The following SAMD8 variants were observed in gnomAD, a reference collection of about 807,000 sequenced individuals.
SAMD8 encodes the protein sphingomyelin synthase-related protein 1.
In SAMD8, 20 loss-of-function variants were observed where a neutral mutation model predicts 42.0. The observed-to-expected ratio is 0.48, with a 90% CI of 0.34 to 0.69. SAMD8 has a LOEUF of 0.69. Among genes scored for constraint, SAMD8 ranks in the 30% least tolerant of loss-of-function variants. The pLI is 0.01. For synonymous variants in SAMD8, 162 were observed against 173.0 expected (o/e 0.94, Z 0.50); for missense variants, 328 against 511.6 (o/e 0.64, Z 3.46).
rs190921957 is a variant in SAMD8 at position 75,164,714 on chromosome 10, C to G, written c.648C>G (p.Leu216=). 1.0e-4 allele frequency: 162 copies of G among 1,613,870 alleles called. No homozygotes were observed. Among genetic ancestry groups the G allele is most frequent in the Admixed American group, 2.0e-4 (12 of 60,006 alleles). Residue 216 remains leucine, a synonymous_variant, in exon 3 of 6, where the codon CTC becomes CTG. Transcript: ENST00000542569. The stretch of plus-strand genomic sequence containing the variant: ...GCATGATTCTGTGCTATATTTGGCT[C>G]CTGGTTCTTCTTCTTCACAAGCACA... ...VCGMILCYIW[L]LVLLLHKHRS...
chr10:75,101,766 A>ACCCC, intron 1 of SAMD8: 2 of 748,174 alleles, frequency 2.7e-6, no homozygotes, highest in Non-Finnish European at 2.1e-6. Flanking sequence ...CCCAACCCAA[A>ACCCC]CCCCACCCCT....
At chr10:75,136,938 G>C (rs1452003945) in intron 1 of SAMD8, among the ~76,000 whole-genome samples, 1 of 152,124 alleles carries the variant, frequency 6.6e-6, no homozygotes, top group Non-Finnish European at 1.5e-5. Context: ...GTATTAGCAG[G>C]AATATAGAGA....
intron 2 of SAMD8, among the ~76,000 whole-genome samples, chr10:75,162,014 G>A (rs1051812835): frequency 6.6e-6 from 1 of 151,874 alleles, no homozygotes; most frequent in African/African-American, 2.4e-5. Context: ...GTCCAACCTG[G>A]GCAACAGAGC....
chr10:75,116,870 C>T (rs1227764760), intron 1 of SAMD8, among the ~76,000 whole-genome samples: 2 of 152,012 alleles, frequency 1.3e-5, no homozygotes, highest in South Asian at 4.1e-4. Context: ...GGTGCAGTGG[C>T]GTGATGTCAG....
chr10:75,158,541 G>A (rs574434698), intron 2 of SAMD8, among the ~76,000 whole-genome samples: 5 of 152,092 alleles, frequency 3.3e-5, no homozygotes, highest in East Asian at 1.9e-4. Flanking sequence ...GCAGTGAGCC[G>A]AGATCATGCC....
chr10:75,108,193 G>GGTT (rs1848634142), upstream of SAMD8: 3 of 1,606,024 alleles, frequency 1.9e-6, no homozygotes, highest in Non-Finnish European at 2.6e-6. Context: ...AGCTCAAAGC[G>GGTT]GTTGTTTGCC....
At chr10:75,166,331 A>C (rs2804526) in intron 3 of SAMD8, among the ~76,000 whole-genome samples, 1,622 of 152,036 alleles carry the variant, frequency 0.011, 96 homozygotes, top group Admixed American at 0.098. Context: ...AAATTAGTAG[A>C]TATTGCATAA....
Position 75,150,597 on chromosome 10 carries a change from T to G in SAMD8, c.69T>G (p.Asp23Glu). 6.2e-7 allele frequency: 1 copy of G among 1,614,164 alleles called. No individual in the cohort carries two copies. ...AGCATGTAGCTGTGTGGCTGAAGGA[T>G]GAAGGCTTTTTTGAATATGTGGACA... Reference protein sequence around the residue: ...TTKHVAVWLKDEGFFEYVDIL... With the variant: ...TTKHVAVWLKEEGFFEYVDIL... Residue 23 changes from aspartate (D) to glutamate (E), a missense_variant, in exon 2 of 6, where the codon GAT becomes GAG. Transcript: ENST00000542569.
Position 75,181,601 on chromosome 10 carries a change from T to C in SAMD8, c.*4909T>C, listed in dbSNP as rs1183703963. 1 of 152,242 alleles carries C rather than the reference T, an allele frequency of 6.6e-6. No homozygotes were observed. The highest frequency in any genetic ancestry group is 1.5e-5 in the Non-Finnish European group (1 of 68,044). The allele number at this position is 152,242 out of a possible 1,614,324, so 9.4% of individuals were successfully genotyped here. The stretch of plus-strand genomic sequence containing the variant: ...AGGACTTTTTATTCAGTGTATTCCA[T>C]GTTTCAGCATAAGGAAAGTTTGTGC... On this transcript the variant is annotated 3_prime_UTR_variant, in exon 6 of 6. Coordinates refer to ENST00000542569, the MANE Select transcript of SAMD8 (RefSeq NM_001174156.2).
At chr10:75,121,396 T>C (rs903978907) in intron 1 of SAMD8, among the ~76,000 whole-genome samples, 1 of 152,228 alleles carries the variant, frequency 6.6e-6, no homozygotes, top group Admixed American at 6.5e-5. Context: ...TCTTCAGCTG[T>C]AAATTGAGGA....
chr10:75,150,700 G>A lies in SAMD8; in HGVS notation c.172G>A (p.Glu58Lys). Reference protein sequence around the residue: ...TEYDLRSPPLEIKVLGDIKRL... With the variant: ...TEYDLRSPPLKIKVLGDIKRL... ...ATATGATCTCCGGTCTCCTCCTCTGGAAATCAAAGTCTTAGGGGACATTAA... is the reference window on the plus strand; with the variant it reads ...ATATGATCTCCGGTCTCCTCCTCTGAAAATCAAAGTCTTAGGGGACATTAA... The change falls in exon 2 of 6, where the codon GAA becomes AAA. Residue 58 changes from glutamate (E) to lysine (K), a missense_variant. By Grantham distance (56) the Glu-to-Lys change is moderately conservative (BLOSUM62 1). Coordinates refer to ENST00000542569, the MANE Select transcript of SAMD8 (RefSeq NM_001174156.2). 6.2e-6 allele frequency: 10 copies of A among 1,614,106 alleles called. No homozygotes were observed. The highest frequency in any genetic ancestry group is 8.5e-6 in the Non-Finnish European group (10 of 1,180,024).
intron 1 of SAMD8, among the ~76,000 whole-genome samples, chr10:75,118,731 T>TA (rs1313648206): frequency 1.3e-5 from 2 of 152,214 alleles, no homozygotes; most frequent in East Asian, 3.8e-4. Context: ...TCATTTATGG[T>TA]AAAAATTTTA....
intron 3 of SAMD8, among the ~76,000 whole-genome samples, chr10:75,165,992 A>AG (rs1347326427): frequency 2.4e-4 from 36 of 151,890 alleles, no homozygotes; most frequent in African/African-American, 8.2e-4. Flanking sequence ...AAAAAAAAAA[A>AG]AAAAAAGAAA....
chr10:75,103,931 G>T lies in SAMD8; in HGVS notation c.-16+4203G>T. 2.3e-6 allele frequency: 3 copies of T among 1,317,038 alleles called. No homozygotes were observed. The African/African-American group carries it at 4.5e-5, about 20-fold the overall frequency. The allele number at this position is 1,317,038 out of a possible 1,614,324, so 81.6% of individuals were successfully genotyped here. A position where few individuals can be genotyped will look rare whatever the true frequency, so the allele number is the denominator to read the frequency against. ...AAGACAGTGGCTGAGAGGGGGTGTA[G>T]GCGCCAGGAGGAGCCAGATGGAGTA... is the stretch of plus-strand genomic sequence containing the variant. On this transcript the variant is annotated intron_variant, in intron 1 of 3. Coordinates refer to the SAMD8 transcript ENST00000447533.
intron 4 of SAMD8, among the ~76,000 whole-genome samples, chr10:75,171,760 C>T (rs1840873558): frequency 6.6e-6 from 1 of 152,168 alleles, no homozygotes; most frequent in African/African-American, 2.4e-5. Flanking sequence ...CAAGGTGGCT[C>T]ATGCCTGTAA....
At chr10:75,128,897 C>T (rs1849209712) in intron 1 of SAMD8, among the ~76,000 whole-genome samples, 1 of 151,992 alleles carries the variant, frequency 6.6e-6, no homozygotes, top group Admixed American at 6.6e-5. Context: ...GGTTTTAGTG[C>T]CTAAATAGCA....
At chr10:75,147,181 A>G (rs1389275544) in intron 1 of SAMD8, among the ~76,000 whole-genome samples, 1 of 152,242 alleles carries the variant, frequency 6.6e-6, no homozygotes, top group Non-Finnish European at 1.5e-5. Context: ...CATTTTGAAC[A>G]GAGTATGAGA....
chr10:75,118,386 T>A (rs1489267917), intron 1 of SAMD8, among the ~76,000 whole-genome samples: 1 of 152,272 alleles, frequency 6.6e-6, no homozygotes, highest in Non-Finnish European at 1.5e-5. Flanking sequence ...GGCTTGCGCC[T>A]GTAATCCCAG....
At chr10:75,151,157 A>G (rs1218495921) in intron 2 of SAMD8, 51 bp downstream of exon 2, 5 of 905,502 alleles carry the variant, frequency 5.5e-6, no homozygotes, top group Non-Finnish European at 8.3e-6. Flanking sequence ...TATAATTAAC[A>G]GCAATGATAC....
Sources: allele counts gnomAD v4.1 joint callset (sites outside exome capture counted in the v4.1 genomes callset), GRCh38; gene constraint gnomAD v4.1.1; transcripts MANE v1.5; gene names NCBI Gene and HGNC (gene_info 2026-07-23, HGNC 2026-07-21).